The following SLC19A1 variants were observed in gnomAD, a reference collection of about 807,000 sequenced individuals.
The protein encoded by SLC19A1 is reduced folate transporter.
SLC19A1 carries 37 observed loss-of-function variants against 35.3 expected under a neutral mutation model. That is an observed-to-expected ratio of 1.05 (90% confidence interval 0.81 to 1.38). The LOEUF (loss-of-function observed/expected upper bound fraction) is 1.38. Ranked by LOEUF, SLC19A1 falls within the 40% of genes most tolerant of loss-of-function variation. The pLI is 0.00. For synonymous variants in SLC19A1, 460 were observed against 398.5 expected (o/e 1.15, Z -1.84); for missense variants, 831 against 826.9 (o/e 1.00, Z -0.06).
intron 3 of SLC19A1, chr21:45,503,098 G>C (rs1013428435): frequency 1.3e-4 from 20 of 152,168 alleles, no homozygotes; most frequent in Admixed American, 9.2e-4. Context: ...TAATGGGATG[G>C]CTGGGTCAAA....
At chr21:45,506,413 G>T (rs765855148) in intron 3 of SLC19A1, 11 of 323,652 alleles carry the variant, frequency 3.4e-5, no homozygotes, top group Non-Finnish European at 5.4e-5. Context: ...GGGATGAAAT[G>T]CATCCTCTCT....
chr21:45,552,601 G>A (rs1456142521), intron 1 of SLC19A1, among the ~76,000 whole-genome samples: 1 of 152,210 alleles, frequency 6.6e-6, no homozygotes, highest in African/African-American at 2.4e-5. Context: ...GTCACCAGCA[G>A]AGCAGACAGC....
At chr21:45,503,705 G>A (rs1225064838) in intron 3 of SLC19A1, among the ~76,000 whole-genome samples, 2 of 151,468 alleles carry the variant, frequency 1.3e-5, no homozygotes, top group East Asian at 1.9e-4. Flanking sequence ...GTTAGTGGGT[G>A]CAGCACACCA....
rs1005615227 is a variant in SLC19A1, at chr21:45,530,558, G to C, written c.1151+212C>G. Among the ~76,000 whole-genome samples, 1 of 152,172 alleles carries C rather than the reference G, an allele frequency of 6.6e-6. No homozygotes were observed. The highest frequency in any genetic ancestry group is 1.9e-4 in the East Asian group (1 of 5,200). Reference sequence around the variant, plus strand: ...CCAGCAGGCTTCAGAGAGGAGCGTGGAGGGCCTGGGGGAGCAGCAAGACGG... The same window carrying C: ...CCAGCAGGCTTCAGAGAGGAGCGTGCAGGGCCTGGGGGAGCAGCAAGACGG... On this transcript the variant is annotated intron_variant, in intron 4 of 5. Transcript: ENST00000311124. This position sits in a 1 kb window ranked among gnomAD's most constrained non-coding sequence, Gnocchi z 5.3.
chr21:45,553,179 G>A (rs562130731), intron 1 of SLC19A1, among the ~76,000 whole-genome samples: 116 of 152,272 alleles, frequency 7.6e-4, no homozygotes, highest in Admixed American at 2.0e-3. Flanking sequence ...GTAAGCAGAG[G>A]CTGGGGCTGG....
At position 45,514,257 on chromosome 21, in the gene SLC19A1, A is replaced by ACC. The variant is rs143496464; in HGVS notation, c.*1399_*1400dup. On this transcript the variant is annotated 3_prime_UTR_variant, in exon 6 of 6. Coordinates refer to ENST00000311124, the MANE Select transcript of SLC19A1 (RefSeq NM_194255.4). Reference sequence around the variant, plus strand: ...CGAGCCCAGGAAATGGCTGGTGCAGACCCCCCCCCAAGCAGGGTCCCCAGG... The same window carrying ACC: ...CGAGCCCAGGAAATGGCTGGTGCAGACCCCCCCCCCCAAGCAGGGTCCCCAGG... The ACC allele has an allele frequency of 0.15, 21,628 of 147,396 alleles. 1,701 individuals carry two copies. The highest frequency in any genetic ancestry group is 0.18 in the East Asian group (907 of 4,954). 9.1% of individuals were successfully genotyped at this position (147,396 alleles called of 1,614,324 possible).
At chr21:45,509,955 C>T (rs2037476010), downstream of SLC19A1, 1 of 1,293,134 alleles carries the variant, frequency 7.7e-7, no homozygotes, top group Non-Finnish European at 1.1e-6. Flanking sequence ...CGCTCAGCGC[C>T]CCTCGGCCGT....
intron 5 of SLC19A1, among the ~76,000 whole-genome samples, chr21:45,516,748 C>G (rs571412421): frequency 3.3e-5 from 5 of 152,280 alleles, no homozygotes; most frequent in Non-Finnish European, 5.9e-5. Flanking sequence ...AGGGAGGGAC[C>G]TGATCATTCC....
At chr21:45,509,493 C>T (rs377093259), downstream of SLC19A1, 14 of 1,528,962 alleles carry the variant, frequency 9.2e-6, no homozygotes, top group East Asian at 1.4e-4. Context: ...CTCGCCTGCC[C>T]GAGCCCCAGC....
chr21:45,560,753 C>T (rs549595947), intron 1 of SLC19A1, among the ~76,000 whole-genome samples: 10 of 152,328 alleles, frequency 6.6e-5, no homozygotes, highest in African/African-American at 1.2e-4. Context: ...ATGAGGAGGA[C>T]GAACCCAATG....
In SLC19A1 at chr21:45,504,460, G is replaced by C. The variant is rs556346113; in HGVS notation, c.498-5848C>G. On this transcript the variant is annotated intron_variant, in intron 3 of 4. Coordinates refer to the SLC19A1 transcript ENST00000417954. ...GTGATGCAGGACAGAAAGGCGAAAG[G>C]GGGGAGCCCGGGGGCGGCGGTTTCT... The C allele has an allele frequency of 1.3e-5, 21 of 1,610,546 alleles. No homozygotes were observed. The highest frequency in any genetic ancestry group is 4.4e-5 in the South Asian group (4 of 90,980).
Position 45,530,989 on chromosome 21 carries a change from G to C in SLC19A1, c.950-18C>G. ...GATGGCGCCTGAGAGGGGAGGGATG[G>C]GGCGTTGCAGCGGCCCTGGGGGGCC... On this transcript the variant is annotated intron_variant, in intron 3 of 5. Coordinates refer to ENST00000311124, the MANE Select transcript of SLC19A1 (RefSeq NM_194255.4). This position sits in a 1 kb window ranked among gnomAD's most constrained non-coding sequence, Gnocchi z 5.3. 1 of 1,435,900 alleles carries C rather than the reference G, an allele frequency of 7.0e-7. No individual in the cohort carries two copies. The highest frequency in any genetic ancestry group is 9.1e-7 in the Non-Finnish European group (1 of 1,098,630). 88.9% of individuals were successfully genotyped at this position (1,435,900 alleles called of 1,614,324 possible).
chr21:45,527,330 G>A (rs1484651210), intron 4 of SLC19A1, among the ~76,000 whole-genome samples: 2 of 148,446 alleles, frequency 1.3e-5, no homozygotes, highest in East Asian at 4.1e-4. Context: ...CAGCGGGCAG[G>A]GTGGGCCCAG....
At chr21:45,503,753 TCATGCA>T (rs1568939348) in intron 3 of SLC19A1, among the ~76,000 whole-genome samples, 3 of 151,814 alleles carry the variant, frequency 2.0e-5, no homozygotes, top group African/African-American at 7.3e-5. Context: ...AACCTGCACA[TCATGCA>T]CATGTACCCT....
At position 45,531,716 on chromosome 21, in the gene SLC19A1, G is replaced by A. The variant is rs370202783; in HGVS notation, c.622C>T (p.Arg208Cys). Residue 208 changes from arginine to cysteine, a missense_variant, in exon 3 of 6, where the codon CGC (arginine) becomes TGC (cysteine). Physicochemically the swap from Arg to Cys is radical, Grantham distance 180 (BLOSUM62 -3). Transcript: ENST00000311124. The part of the protein sequence containing the change: ...VLALFLKRPK[R>C]SLFFNRDDRG... ...TCGTCGCGGTTGAAGAAGAGGCTGC[G>A]CTTGGGGCGCTTCAGGAAGAGGGCG... The A allele has an allele frequency of 1.2e-4, 193 of 1,612,692 alleles. No individual in the cohort carries two copies. Among genetic ancestry groups the A allele is most frequent in the Non-Finnish European group, 1.4e-4 (164 of 1,179,712 alleles).
intron 3 of SLC19A1, chr21:45,502,538 T>G (rs141841555): frequency 2.6e-5 from 4 of 152,320 alleles, no homozygotes; most frequent in African/African-American, 9.6e-5. Context: ...TGCGTATGTT[T>G]TATATATAAA....
In SLC19A1 at chr21:45,540,665, G is replaced by A. The variant is rs2078275684; in HGVS notation, c.-50+1703C>T. Among the ~76,000 whole-genome samples, 1 of 152,120 alleles carries A rather than the reference G, an allele frequency of 6.6e-6. No homozygotes were observed. The highest frequency in any genetic ancestry group is 2.1e-4 in the South Asian group (1 of 4,834). On this transcript the variant is annotated intron_variant, in intron 1 of 5. Coordinates refer to ENST00000311124, the MANE Select transcript of SLC19A1 (RefSeq NM_194255.4). This position sits in a 1 kb window ranked among gnomAD's most constrained non-coding sequence, Gnocchi z 5.5. The stretch of plus-strand genomic sequence containing the variant: ...ACTTGGTCACCATCATAGAAACGCA[G>A]CCCCAAGCCAGGGGACGCCTAGACT...
intron 1 of SLC19A1, among the ~76,000 whole-genome samples, chr21:45,553,549 G>A (rs1270856765): frequency 2.0e-5 from 3 of 151,378 alleles, no homozygotes; most frequent in East Asian, 1.9e-4. Context: ...TTGTGCGGCC[G>A]TCACCCCCAT....
chr21:45,552,959 C>T (rs571104157), intron 1 of SLC19A1, among the ~76,000 whole-genome samples: 12 of 151,980 alleles, frequency 7.9e-5, no homozygotes, highest in East Asian at 1.9e-4. Context: ...CCCAGCTCTC[C>T]GTGGCGCCCC....
Sources: allele counts gnomAD v4.1 joint callset (sites outside exome capture counted in the v4.1 genomes callset), GRCh38; gene constraint gnomAD v4.1.1; non-coding constraint Gnocchi (gnomAD v3.1); transcripts MANE v1.5; gene names NCBI Gene and HGNC (gene_info 2026-07-23, HGNC 2026-07-21).